The following DOCK8 variants were observed in gnomAD, a reference collection of about 807,000 sequenced individuals.
DOCK8 encodes dedicator of cytokinesis protein 8.
DOCK8 carries 141 observed loss-of-function variants against 245.6 expected under a neutral mutation model. That is an observed-to-expected ratio of 0.57 (90% CI 0.50 to 0.66). The LOEUF is 0.66. DOCK8 is among the 30% of genes least tolerant of loss of function. The probability of loss-of-function intolerance (pLI) is 0.00; values close to 1 mark genes in which losing one functional copy is unlikely to be tolerated. For missense variants in DOCK8, 2,965 were observed against 2,603.4 expected, an observed-to-expected ratio of 1.14 and a Z score of -3.02; for synonymous variants, 1,168 against 970.2, an observed-to-expected ratio of 1.20 and a Z score of -3.79.
chr9:312,586 G>A, intron 6 of DOCK8: 1 of 369,252 alleles, frequency 2.7e-6, no homozygotes, highest in South Asian at 2.1e-5. Flanking sequence ...TCTTTTTAAT[G>A]GTCTCTATGA....
intron 37 of DOCK8, 88 bp from the exon 38 acceptor site, chr9:433,787 A>G (rs1013501913): frequency 7.6e-5 from 85 of 1,122,968 alleles, no homozygotes; most frequent in African/African-American, 1.1e-4. Flanking sequence ...AACCCTTCCC[A>G]TGGCTTCCCC....
At chr9:297,942 A>G (rs1256383169) in intron 4 of DOCK8, among the ~76,000 whole-genome samples, 1 of 152,172 alleles carries the variant, frequency 6.6e-6, no homozygotes, top group Non-Finnish European at 1.5e-5. Flanking sequence ...AACTTTTAAC[A>G]TTATTGTGTA....
intron 1 of DOCK8, among the ~76,000 whole-genome samples, chr9:267,246 C>G (rs565255388): frequency 6.6e-6 from 1 of 152,228 alleles, no homozygotes; most frequent in South Asian, 2.1e-4. Context: ...ACTTTGTCAC[C>G]CAAGCTGGAG....
Position 404,943 on chromosome 9 carries a change from C to T in DOCK8, c.3260C>T (p.Pro1087Leu), listed in dbSNP as rs769817587. The change falls in exon 27 of 48, where the codon CCA becomes CTA. Residue 1087 changes from proline to leucine, a missense_variant. Around this residue, in one of 3 missense-constraint regions of DOCK8, gnomAD observed 2,825 missense variants for 2,453.5 expected, o/e 1.15. Transcript: ENST00000432829. ...SQLSAKLSNL[P>L]TLISMRLEFL... ...CTGTCAGCCAAGCTCAGTAACCTTC[C>T]AACGCTCATTTCCATGAGGCTAGAG... 1.4e-5 allele frequency: 22 copies of T among 1,613,924 alleles called. No individual in the cohort carries two copies. The East Asian group carries it at 4.9e-4, about 36-fold the overall frequency.
intron 1 of DOCK8, among the ~76,000 whole-genome samples, chr9:258,950 T>C (rs1013056144): frequency 3.3e-5 from 5 of 152,082 alleles, no homozygotes; most frequent in Admixed American, 6.6e-5. Context: ...TGTATGTGTG[T>C]TTACAATTTC....
rs1490677068 is a variant in DOCK8, at chr9:465,010, T to G, written c.*791T>G. On this transcript the variant is annotated 3_prime_UTR_variant, in exon 48 of 48. Coordinates refer to ENST00000432829, the MANE Select transcript of DOCK8 (RefSeq NM_203447.4). ...TATGTCACTCTTGTGTACTATCTAT[T>G]TTTCTCCTCTCTGGGACCAAGTTTC... The G allele has an allele frequency of 6.6e-6, 1 of 152,572 alleles. No individual in the cohort carries two copies. Among genetic ancestry groups the G allele is most frequent in the Non-Finnish European group, 1.5e-5 (1 of 68,076 alleles). The allele number at this position is 152,572 out of a possible 1,614,324, so 9.5% of individuals were successfully genotyped here. A position where few individuals can be genotyped will look rare whatever the true frequency, so the allele number is the denominator to read the frequency against.
intron 23 of DOCK8, among the ~76,000 whole-genome samples, chr9:389,679 T>C (rs1335806102): frequency 6.6e-6 from 1 of 151,698 alleles, no homozygotes; most frequent in Non-Finnish European, 1.5e-5. Flanking sequence ...TATCTGGGGG[T>C]GGGGCCCCCC....
In DOCK8 at chr9:214,876, T is replaced by A; in HGVS notation, c.-101T>A. ...TTCCAGCGCCGACCGACAGACGAGG[T>A]TTGCGCTTGGCTGGGCATGTTCCGC... On this transcript the variant is annotated 5_prime_UTR_variant, in exon 1 of 48. Coordinates refer to ENST00000432829, the MANE Select transcript of DOCK8 (RefSeq NM_203447.4). The A allele has an allele frequency of 1.9e-6, 3 of 1,601,564 alleles. No individual in the cohort carries two copies. The highest frequency in any genetic ancestry group is 2.6e-6 in the Non-Finnish European group (3 of 1,174,656).
In DOCK8 at chr9:422,603, G is replaced by C. The variant is rs974143665; in HGVS notation, c.4241+468G>C. On this transcript the variant is annotated intron_variant, in intron 33 of 47. Transcript: ENST00000432829. ...CCAGAATAGAAAAATATATTTAAAA[G>C]TTGGATTGCCATCAAAATGTTTTAA... is the stretch of plus-strand genomic sequence containing the variant. 5.9e-5 allele frequency among the ~76,000 whole-genome samples: 9 copies of C among 152,294 alleles called. 1 individual carries two copies. Among genetic ancestry groups the C allele is most frequent in the African/African-American group, 1.9e-4 (8 of 41,574 alleles).
chr9:232,446 G>T (rs1011572148), intron 1 of DOCK8, among the ~76,000 whole-genome samples: 3 of 152,074 alleles, frequency 2.0e-5, no homozygotes, highest in African/African-American at 7.2e-5. Context: ...TTTTTCTATT[G>T]ATTGGAATAA....
intron 22 of DOCK8, among the ~76,000 whole-genome samples, chr9:385,388 C>G (rs958352797): frequency 3.3e-5 from 5 of 152,152 alleles, no homozygotes; most frequent in African/African-American, 1.2e-4. Flanking sequence ...GAAATACTAC[C>G]TTTGTAACTT....
At chr9:444,665 T>C (rs989600289) in intron 43 of DOCK8, among the ~76,000 whole-genome samples, 1 of 152,172 alleles carries the variant, frequency 6.6e-6, no homozygotes, top group Non-Finnish European at 1.5e-5. Context: ...ATTGGTCTTT[T>C]TGGTGGCCAC....
chr9:364,750 GC>G (rs2131151787), intron 14 of DOCK8, among the ~76,000 whole-genome samples: 1 of 152,034 alleles, frequency 6.6e-6, no homozygotes, highest in South Asian at 2.1e-4. Context: ...GTGGGTGGTT[GC>G]TATTCTTTTC....
In DOCK8 at chr9:304,664, T is replaced by A; in HGVS notation, c.488T>A (p.Phe163Tyr). 1.2e-6 allele frequency: 2 copies of A among 1,614,196 alleles called. No homozygotes were observed. Among genetic ancestry groups the A allele is most frequent in the Non-Finnish European group, 1.7e-6 (2 of 1,180,028 alleles). Residue 163 changes from phenylalanine (F) to tyrosine (Y), a missense_variant, in exon 5 of 48, where the codon TTT becomes TAT. Physicochemically the swap from Phe to Tyr is conservative, Grantham distance 22. This residue lies in a region of DOCK8 where 2,825 missense variants were observed against 2,453.5 expected (regional missense o/e 1.15). Transcript: ENST00000432829. ...DFHKTLPKQT[F>Y]ESETLECSEP... Reference sequence around the variant, plus strand: ...CACAAGACGCTTCCGAAACAGACGTTTGAGTCGGAAACCTTGGAGTGCAGT... The same window carrying A: ...CACAAGACGCTTCCGAAACAGACGTATGAGTCGGAAACCTTGGAGTGCAGT...
At chr9:264,872 T>C (rs2048001257) in intron 1 of DOCK8, among the ~76,000 whole-genome samples, 1 of 152,242 alleles carries the variant, frequency 6.6e-6, no homozygotes, top group African/African-American at 2.4e-5. Flanking sequence ...AACCCTTTGA[T>C]AGCTGCATCA....
At chr9:298,969 A>G (rs147637949) in intron 4 of DOCK8, among the ~76,000 whole-genome samples, 19 of 152,072 alleles carry the variant, frequency 1.2e-4, no homozygotes, top group African/African-American at 3.6e-4. Flanking sequence ...GTTTGTTTCA[A>G]TGTTAGGATA....
intron 1 of DOCK8, among the ~76,000 whole-genome samples, chr9:216,306 G>T (rs1436250435): frequency 6.6e-6 from 1 of 152,098 alleles, no homozygotes; most frequent in Non-Finnish European, 1.5e-5. Flanking sequence ...CAGATGGGAG[G>T]ATTACTTGAG....
chr9:308,326 C>G (rs74736145), intron 5 of DOCK8, among the ~76,000 whole-genome samples: 3,776 of 152,246 alleles, frequency 0.025, 152 homozygotes, highest in African/African-American at 0.084. Flanking sequence ...TAAATAGGTA[C>G]AACTATTATG....
intron 5 of DOCK8, among the ~76,000 whole-genome samples, chr9:307,329 GTTTTTTTTGTTTTTTTTTTTTT>G (rs1278758128): frequency 0.017 from 1,306 of 75,092 alleles, 235 homozygotes; most frequent in African/African-American, 0.057. Context: ...GTTGTGTGTG[GTTTTTTTTGTTTTTTTTTTTTT>G]TTTTTTTTTT....
Sources: allele counts gnomAD v4.1 joint callset (sites outside exome capture counted in the v4.1 genomes callset), GRCh38; gene constraint gnomAD v4.1.1; regional missense constraint gnomAD v4.1.1; transcripts MANE v1.5; gene names NCBI Gene and HGNC (gene_info 2026-07-23, HGNC 2026-07-21).